Variants in DSCAML1 observed in about 807,000 individuals in gnomAD.
DSCAML1 encodes the protein DS cell adhesion molecule like 1.
In DSCAML1, 38 loss-of-function variants were observed where a neutral mutation model predicts 200.5. The observed-to-expected ratio is 0.19, with a 90% CI of 0.15 to 0.25. The LOEUF is 0.25. DSCAML1 is among the 10% of genes least tolerant of loss of function. DSCAML1 has a pLI of 1.00. For synonymous variants in DSCAML1, 1,215 were observed against 1,165.0 expected, an observed-to-expected ratio of 1.04 and a Z score of -0.87; for missense variants, 2,223 against 2,858.8, an observed-to-expected ratio of 0.78 and a Z score of 5.07.
intron 11 of DSCAML1, among the ~76,000 whole-genome samples, chr11:117,487,792 G>C (rs996494683): frequency 2.0e-5 from 3 of 152,164 alleles, no homozygotes; most frequent in Admixed American, 6.6e-5. Flanking sequence ...ACACTGCAAG[G>C]GGGGAAGGGA....
rs545723209 is a variant in DSCAML1, at chr11:117,550,774, T to C, written c.512-18252A>G. ...TCCCACCTCTCACTCGCTGACACTCTCTGCACAATCGATCACAAAACTGTT... is the reference window on the plus strand; with the variant it reads ...TCCCACCTCTCACTCGCTGACACTCCCTGCACAATCGATCACAAAACTGTT... On this transcript the variant is annotated intron_variant, in intron 3 of 32. Transcript: ENST00000651296. 1.5e-3 allele frequency among the ~76,000 whole-genome samples: 230 copies of C among 152,310 alleles called. 1 individual carries two copies. The highest frequency in any genetic ancestry group is 5.3e-3 in the African/African-American group (219 of 41,566).
chr11:117,695,592 T>C (rs1465047122), intron 3 of DSCAML1, among the ~76,000 whole-genome samples: 1 of 151,568 alleles, frequency 6.6e-6, no homozygotes, highest in Non-Finnish European at 1.5e-5. Context: ...TGAGGAGGGG[T>C]TAGAGGAGAG....
chr11:117,447,522 T>C (rs1457077101), intron 20 of DSCAML1, among the ~76,000 whole-genome samples: 2 of 152,166 alleles, frequency 1.3e-5, no homozygotes, highest in Non-Finnish European at 2.9e-5. Context: ...TACAAGTAAT[T>C]TTTACTTTCC....
chr11:117,447,902 T>C (rs2048212238), intron 20 of DSCAML1, among the ~76,000 whole-genome samples: 1 of 152,224 alleles, frequency 6.6e-6, no homozygotes, highest in South Asian at 2.1e-4. Context: ...GAATTTGGAA[T>C]ATATTTGTGC....
At chr11:117,545,457 C>T (rs2050355839) in intron 3 of DSCAML1, among the ~76,000 whole-genome samples, 1 of 152,120 alleles carries the variant, frequency 6.6e-6, no homozygotes, top group South Asian at 2.1e-4. Flanking sequence ...TTATGGCAGC[C>T]AGAGAAAATG....
chr11:117,567,903 G>T (rs7480578), intron 3 of DSCAML1, among the ~76,000 whole-genome samples: 19 of 151,692 alleles, frequency 1.3e-4, no homozygotes, highest in African/African-American at 2.9e-4. Flanking sequence ...TACCAAAGCC[G>T]GGCAGAGACA....
rs2055214145 is a variant in DSCAML1, at chr11:117,780,231, G to GGAAAGAAAGAAAGAAAGAAAGAAGGAAA, written c.364+261_364+262insTTTCCTTCTTTCTTTCTTTCTTTCTTTC. Among the ~76,000 whole-genome samples, 1 of 60,648 alleles carries GGAAAGAAAGAAAGAAAGAAAGAAGGAAA rather than the reference G, an allele frequency of 1.6e-5. No homozygotes were observed. The highest frequency in any genetic ancestry group is 6.6e-5 in the African/African-American group (1 of 15,248). The allele number at this position is 60,648 out of a possible 152,430, so 39.8% of individuals were successfully genotyped here. On this transcript the variant is annotated intron_variant, in intron 2 of 32. Transcript: ENST00000651296. This position sits in a 1 kb window ranked among gnomAD's most constrained non-coding sequence, Gnocchi z 4.8. ...AAAGAGAGAGAGAGAAAGAAAGAAA[G>GGAAAGAAAGAAAGAAAGAAAGAAGGAAA]GAAAGAAAGAAAGAAAGAAAGAAAG... is the stretch of plus-strand genomic sequence containing the variant.
intron 3 of DSCAML1, among the ~76,000 whole-genome samples, chr11:117,734,485 T>C (rs2054284605): frequency 1.3e-5 from 2 of 152,202 alleles, no homozygotes; most frequent in South Asian, 4.1e-4. Context: ...CTCAGTAGAC[T>C]TGGGCCACCT....
chr11:117,437,263 C>T lies in DSCAML1; in HGVS notation c.4579G>A (p.Gly1527Ser), dbSNP rs889762725. ...YRPKGTWAWQ[G>S]LRANSSGEVF... is the part of the protein sequence containing the mutation. ...TCCCCGGAGCTGTTGGCCCGGAGGC[C>T]CTGCCAGGCCCAGGTCCCCTTGGGC... Residue 1527 changes from glycine (G) to serine (S), a missense_variant, in exon 26 of 33, where the codon GGC becomes AGC. Physicochemically the swap from Gly to Ser is moderately conservative, Grantham distance 56. This residue lies in a region of DSCAML1 where 614 missense variants were observed against 739.1 expected (regional missense o/e 0.83). Coordinates refer to ENST00000651296, the MANE Select transcript of DSCAML1 (RefSeq NM_020693.4). The surrounding 1 kb of genome is among the most constrained non-coding windows in gnomAD (Gnocchi z 5.3). 1 of 1,614,248 alleles carries T rather than the reference C, an allele frequency of 6.2e-7. No homozygotes were observed. The highest frequency in any genetic ancestry group is 8.5e-7 in the Non-Finnish European group (1 of 1,180,050).
At chr11:117,776,061 G>A (rs191518142) in intron 3 of DSCAML1, among the ~76,000 whole-genome samples, 1 of 152,276 alleles carries the variant, frequency 6.6e-6, no homozygotes, top group East Asian at 1.9e-4. Context: ...CCGCAGTTTT[G>A]TAAATGGAGG....
chr11:117,526,139 C>T (rs2049973954), intron 4 of DSCAML1, among the ~76,000 whole-genome samples: 1 of 152,228 alleles, frequency 6.6e-6, no homozygotes. Flanking sequence ...GGCTCGTTCC[C>T]ACCCTCCAAG....
At chr11:117,525,362 A>G (rs2049959635) in intron 4 of DSCAML1, among the ~76,000 whole-genome samples, 1 of 152,088 alleles carries the variant, frequency 6.6e-6, no homozygotes, top group Non-Finnish European at 1.5e-5. Context: ...ACAGACAGAG[A>G]GACAGATGGA....
At chr11:117,746,485 A>G (rs952170695) in intron 3 of DSCAML1, among the ~76,000 whole-genome samples, 3 of 152,074 alleles carry the variant, frequency 2.0e-5, no homozygotes, top group Non-Finnish European at 4.4e-5. Context: ...GGAGGCCAAG[A>G]GAAGTCCAGT....
intron 27 of DSCAML1, among the ~76,000 whole-genome samples, chr11:117,434,006 C>G (rs979090187): frequency 1.3e-5 from 2 of 152,118 alleles, no homozygotes; most frequent in African/African-American, 2.4e-5. Flanking sequence ...CTCAGAGGAG[C>G]CTTGAATAAG....
At chr11:117,725,301 G>C (rs1218461097) in intron 3 of DSCAML1, among the ~76,000 whole-genome samples, 2 of 152,154 alleles carry the variant, frequency 1.3e-5, no homozygotes, top group Non-Finnish European at 2.9e-5. Flanking sequence ...TCTGTGCCTT[G>C]GGACTCCCAG....
At position 117,437,466 on chromosome 11, in the gene DSCAML1, G is replaced by A. The variant is rs1036283064; in HGVS notation, c.4433-57C>T. On this transcript the variant is annotated intron_variant, in intron 25 of 32. Coordinates refer to ENST00000651296, the MANE Select transcript of DSCAML1 (RefSeq NM_020693.4). The surrounding 1 kb of genome is among the most constrained non-coding windows in gnomAD (Gnocchi z 5.3). ...AGAGATTTGGTGGGAGGCAGGACTGGACTGGGCTGGGCTGGAAAGGATTTC... is the reference window on the plus strand; with the variant it reads ...AGAGATTTGGTGGGAGGCAGGACTGAACTGGGCTGGGCTGGAAAGGATTTC... The A allele has an allele frequency of 6.4e-7, 1 of 1,568,334 alleles. No individual in the cohort carries two copies. The highest frequency in any genetic ancestry group is 1.7e-5 in the Admixed American group (1 of 57,170).
chr11:117,661,156 G>A (rs919722710), intron 3 of DSCAML1, among the ~76,000 whole-genome samples: 1 of 152,148 alleles, frequency 6.6e-6, no homozygotes, highest in African/African-American at 2.4e-5. Flanking sequence ...GAATCCTAGG[G>A]TTGGGCTCAG....
intron 20 of DSCAML1, among the ~76,000 whole-genome samples, chr11:117,445,307 G>T (rs986224639): frequency 2.0e-5 from 3 of 151,496 alleles, no homozygotes; most frequent in African/African-American, 4.8e-5. Context: ...CCCTCGTGGG[G>T]GTCTGGCCTT....
intron 1 of DSCAML1, among the ~76,000 whole-genome samples, chr11:117,783,120 C>T (rs1436362276): frequency 2.0e-5 from 3 of 151,736 alleles, no homozygotes; most frequent in African/African-American, 7.3e-5. Context: ...TGCACATACA[C>T]GACACACACA....
Sources: gnomAD v4.1 joint callset for allele counts (sites outside exome capture counted in the v4.1 genomes callset) on GRCh38, gnomAD v4.1.1 for gene constraint, gnomAD v4.1.1 regional missense constraint, Gnocchi (gnomAD v3.1) non-coding constraint, MANE v1.5 for transcripts, NCBI Gene and HGNC (gene_info 2026-07-23, HGNC 2026-07-21) for gene names.